Variants in CDH12 observed in about 807,000 individuals in gnomAD.
CDH12 encodes cadherin 12.
In CDH12, 41 loss-of-function variants were observed where a neutral mutation model predicts 74.1. The observed-to-expected ratio is 0.55, with a 90% CI of 0.43 to 0.72. CDH12 has a LOEUF of 0.72. Among genes scored for constraint, CDH12 ranks in the 30% least tolerant of loss-of-function variants. CDH12 has a pLI of 0.00. For synonymous variants in CDH12, 399 were observed against 355.0 expected, an observed-to-expected ratio of 1.12 and a Z score of -1.39; for missense variants, 945 against 977.2, an observed-to-expected ratio of 0.97 and a Z score of 0.44.
At chr5:22,382,435 G>A (rs1741807968) in intron 3 of CDH12, among the ~76,000 whole-genome samples, 3 of 151,714 alleles carry the variant, frequency 2.0e-5, no homozygotes, top group Admixed American at 2.0e-4. Context: ...CTGTTACCGG[G>A]CCCTGTAGAG....
At chr5:22,298,279 A>G (rs2150417867) in intron 3 of CDH12, among the ~76,000 whole-genome samples, 1 of 151,830 alleles carries the variant, frequency 6.6e-6, no homozygotes, top group South Asian at 2.1e-4. Context: ...GCACTTATTT[A>G]AATGGTAAGA....
chr5:21,756,072 A>C (rs746412356), intron 13 of CDH12, among the ~76,000 whole-genome samples: 1 of 152,202 alleles, frequency 6.6e-6, no homozygotes, highest in African/African-American at 2.4e-5. Context: ...TCTATTCAGA[A>C]AGATTATGGA....
At chr5:21,923,235 T>A (rs1754439390) in intron 6 of CDH12, among the ~76,000 whole-genome samples, 1 of 152,114 alleles carries the variant, frequency 6.6e-6, no homozygotes, top group Admixed American at 6.6e-5. Flanking sequence ...GTAATCAAAT[T>A]CAAATTTCTA....
At chr5:22,242,245 T>A (rs1580439216) in intron 3 of CDH12, among the ~76,000 whole-genome samples, 1 of 152,316 alleles carries the variant, frequency 6.6e-6, no homozygotes, top group East Asian at 1.9e-4. Flanking sequence ...TTTTTCAAGC[T>A]TTTACTAAGA....
chr5:22,042,504 A>G (rs1198309318), intron 5 of CDH12, among the ~76,000 whole-genome samples: 3 of 152,216 alleles, frequency 2.0e-5, no homozygotes, highest in South Asian at 2.1e-4. Context: ...ATACGAGACT[A>G]CTATGAACAA....
chr5:22,485,510 T>C (rs1746553463), intron 2 of CDH12, among the ~76,000 whole-genome samples: 1 of 152,226 alleles, frequency 6.6e-6, no homozygotes, highest in African/African-American at 2.4e-5. Context: ...TTTTCATCCT[T>C]TTTATTCTTA....
At chr5:22,820,230 A>T (rs1749618045) in intron 1 of CDH12, among the ~76,000 whole-genome samples, 1 of 151,962 alleles carries the variant, frequency 6.6e-6, no homozygotes, top group African/African-American at 2.4e-5. Context: ...AAACACAGGC[A>T]GAGACAATAT....
At chr5:22,833,191 G>A (rs1192136779) in intron 1 of CDH12, among the ~76,000 whole-genome samples, 1 of 152,076 alleles carries the variant, frequency 6.6e-6, no homozygotes, top group Non-Finnish European at 1.5e-5. Context: ...GTAACCAATA[G>A]AATCAATACA....
At chr5:21,982,968 T>C (rs1757374159) in intron 5 of CDH12, among the ~76,000 whole-genome samples, 1 of 152,134 alleles carries the variant, frequency 6.6e-6, no homozygotes, top group South Asian at 2.1e-4. Context: ...ACATCAAATC[T>C]TTTCACTACA....
intron 1 of CDH12, among the ~76,000 whole-genome samples, chr5:22,640,649 G>T (rs574907054): frequency 6.6e-6 from 1 of 152,140 alleles, no homozygotes; most frequent in Non-Finnish European, 1.5e-5. Context: ...AGCATTAATT[G>T]TCCCTTTCTT....
chr5:22,400,618 A>C (rs1321709890), intron 3 of CDH12, among the ~76,000 whole-genome samples: 1 of 152,056 alleles, frequency 6.6e-6, no homozygotes, highest in Non-Finnish European at 1.5e-5. Flanking sequence ...CTGAAGTTGC[A>C]AAACAGATAG....
At chr5:21,822,895 T>A (rs145946725) in intron 8 of CDH12, among the ~76,000 whole-genome samples, 1 of 152,130 alleles carries the variant, frequency 6.6e-6, no homozygotes, top group South Asian at 2.1e-4. Flanking sequence ...AATGAGAAAT[T>A]TATTCCTGTA....
chr5:22,836,994 T>C (rs568015226), intron 1 of CDH12, among the ~76,000 whole-genome samples: 3 of 152,212 alleles, frequency 2.0e-5, no homozygotes, highest in Non-Finnish European at 4.4e-5. Context: ...AACTTTGTTC[T>C]TTTCAATACT....
At chr5:22,070,618 C>T (rs558730761) in intron 5 of CDH12, among the ~76,000 whole-genome samples, 15 of 152,226 alleles carry the variant, frequency 9.9e-5, no homozygotes, top group South Asian at 8.3e-4. Context: ...CCAGGTCATC[C>T]GATTAGAGGC....
intron 1 of CDH12, among the ~76,000 whole-genome samples, chr5:22,715,360 A>G (rs946500116): frequency 9.2e-5 from 14 of 152,236 alleles, no homozygotes; most frequent in African/African-American, 2.9e-4. Context: ...TGAAGGCAGC[A>G]TCTGCCTCTT....
chr5:22,494,079 G>T (rs16896252), intron 2 of CDH12, among the ~76,000 whole-genome samples: 20,158 of 152,098 alleles, frequency 0.13, 2,168 homozygotes, highest in East Asian at 0.36. Flanking sequence ...TGAAAGTTTT[G>T]TACTGTATAT....
intron 5 of CDH12, among the ~76,000 whole-genome samples, chr5:22,015,301 T>C (rs1168746358): frequency 6.6e-6 from 1 of 152,194 alleles, no homozygotes; most frequent in African/African-American, 2.4e-5. Context: ...GTGTGGTTTT[T>C]TTCACTGAAA....
At chr5:22,171,132 T>C (rs1444717220) in intron 4 of CDH12, among the ~76,000 whole-genome samples, 1 of 151,880 alleles carries the variant, frequency 6.6e-6, no homozygotes, top group East Asian at 1.9e-4. Flanking sequence ...AACAGCATCA[T>C]TGACAAGGAA....
In CDH12 at chr5:22,013,158, G is replaced by A. The variant is rs4458547; in HGVS notation, c.232-37773C>T. Among the ~76,000 whole-genome samples the A allele has an allele frequency of 3.2e-3, 483 of 152,250 alleles. 1 individual carries two copies. The highest frequency in any genetic ancestry group is 5.6e-3 in the Non-Finnish European group (379 of 68,018). ...AGAGGTTTAACTGAATTACAATTAC[G>A]CATGGCTGGGGAGACCTCAGGAAGC... On this transcript the variant is annotated intron_variant, in intron 5 of 14. Coordinates refer to ENST00000382254, the MANE Select transcript of CDH12 (RefSeq NM_004061.5).
Sources: gnomAD v4.1 joint callset for allele counts (sites outside exome capture counted in the v4.1 genomes callset) on GRCh38, gnomAD v4.1.1 for gene constraint, MANE v1.5 for transcripts, NCBI Gene and HGNC (gene_info 2026-07-23, HGNC 2026-07-21) for gene names.